Variants in LUZP2 observed in about 807,000 individuals in gnomAD.
LUZP2 encodes leucine zipper protein 2.
Under a neutral mutation model 51.6 loss-of-function variants are expected in LUZP2, and 52 were observed. That is an observed-to-expected ratio of 1.01 (90% CI 0.81 to 1.27). LUZP2 has a LOEUF of 1.27. LUZP2 is among the 50% of genes most tolerant of loss of function. The pLI is 0.00. For synonymous variants in LUZP2, 154 were observed against 137.3 expected (o/e 1.12, Z -0.85); for missense variants, 436 against 395.4 (o/e 1.10, Z -0.87).
chr11:24,864,198 T>C lies in LUZP2; in HGVS notation c.397-41793T>C, dbSNP rs1396892309. Among the ~76,000 whole-genome samples the C allele has an allele frequency of 4.6e-5, 7 of 152,192 alleles. 1 individual carries two copies. On this transcript the variant is annotated intron_variant, in intron 5 of 11. Coordinates refer to ENST00000336930, the MANE Select transcript of LUZP2 (RefSeq NM_001009909.4). Reference sequence around the variant, plus strand: ...TGTACTTATGTGTTGGTTATTACACTAAGCCTGATACACACATGTTTGAAG... The same window carrying C: ...TGTACTTATGTGTTGGTTATTACACCAAGCCTGATACACACATGTTTGAAG...
chr11:24,954,693 G>A (rs1201353124), intron 7 of LUZP2, among the ~76,000 whole-genome samples: 1 of 152,004 alleles, frequency 6.6e-6, no homozygotes, highest in Non-Finnish European at 1.5e-5. Flanking sequence ...AAACTAACAG[G>A]ACCCTGCTCC....
chr11:24,783,154 C>T (rs1849140286), intron 5 of LUZP2, among the ~76,000 whole-genome samples: 1 of 151,998 alleles, frequency 6.6e-6, no homozygotes, highest in African/African-American at 2.4e-5. Context: ...AGCACATGTC[C>T]ATTGTCTAAG....
At chr11:24,772,370 C>T (rs2134054318) in intron 5 of LUZP2, among the ~76,000 whole-genome samples, 1 of 152,304 alleles carries the variant, frequency 6.6e-6, no homozygotes, top group South Asian at 2.1e-4. Flanking sequence ...TAGAGTGCTT[C>T]AGGGTCACTA....
chr11:24,976,695 T>A, intron 8 of LUZP2, 30 bp downstream of exon 8: 1 of 603,070 alleles, frequency 1.7e-6, no homozygotes, highest in Non-Finnish European at 2.5e-6. Context: ...CCATTACAAC[T>A]GTAGTTTTAG....
chr11:24,566,145 A>T (rs1221153215), intron 1 of LUZP2, among the ~76,000 whole-genome samples: 6 of 151,894 alleles, frequency 4.0e-5, no homozygotes, highest in African/African-American at 1.4e-4. Flanking sequence ...CAAGGGGCCT[A>T]AATATTGTGC....
At chr11:24,794,750 A>G (rs778974724) in intron 5 of LUZP2, among the ~76,000 whole-genome samples, 29 of 152,114 alleles carry the variant, frequency 1.9e-4, no homozygotes, top group Non-Finnish European at 3.4e-4. Context: ...TTATTCTCTC[A>G]TAAGTTTCTT....
Position 24,982,946 on chromosome 11 carries a change from G to A in LUZP2, c.598-180G>A, listed in dbSNP as rs576575901. Among the ~76,000 whole-genome samples, 24 of 151,812 alleles carry A rather than the reference G, an allele frequency of 1.6e-4. 1 individual carries two copies. In the South Asian group the frequency reaches 4.4e-3, roughly 28 times the overall value. ...ATATCATGAAATGCATTAGCTCCTAGAAACAGACTGAGTGTGGATATAAAA... is the reference window on the plus strand; with the variant it reads ...ATATCATGAAATGCATTAGCTCCTAAAAACAGACTGAGTGTGGATATAAAA... On this transcript the variant is annotated intron_variant, in intron 8 of 11. Coordinates refer to ENST00000336930, the MANE Select transcript of LUZP2 (RefSeq NM_001009909.4).
chr11:24,832,686 T>TA (rs1180636616), intron 5 of LUZP2, among the ~76,000 whole-genome samples: 3 of 151,722 alleles, frequency 2.0e-5, no homozygotes, highest in Admixed American at 6.6e-5. Flanking sequence ...TAGTTAGAAA[T>TA]AAAAAAATTA....
At chr11:24,610,819 C>T in intron 1 of LUZP2, among the ~76,000 whole-genome samples, 1 of 152,128 alleles carries the variant, frequency 6.6e-6, no homozygotes, top group Non-Finnish European at 1.5e-5. Flanking sequence ...GGGGCACGTG[C>T]CTGTAGTCCC....
chr11:24,901,009 TG>T (rs1853263019), intron 5 of LUZP2, among the ~76,000 whole-genome samples: 1 of 152,118 alleles, frequency 6.6e-6, no homozygotes, highest in Non-Finnish European at 1.5e-5. Context: ...AAAACTTCTG[TG>T]GTCTGCTTGG....
At chr11:24,915,757 G>C (rs1447368737) in intron 7 of LUZP2, among the ~76,000 whole-genome samples, 6 of 151,880 alleles carry the variant, frequency 4.0e-5, no homozygotes, top group Admixed American at 3.9e-4. Context: ...AAACTCAACT[G>C]TTAGGTTAGT....
At chr11:24,569,187 G>T (rs1852344066) in intron 1 of LUZP2, among the ~76,000 whole-genome samples, 1 of 151,976 alleles carries the variant, frequency 6.6e-6, no homozygotes, top group African/African-American at 2.4e-5. Flanking sequence ...AAGGTTAAAT[G>T]CAAAAAGGAA....
intron 5 of LUZP2, among the ~76,000 whole-genome samples, chr11:24,807,185 G>A (rs1849880015): frequency 6.6e-6 from 1 of 152,176 alleles, no homozygotes; most frequent in African/African-American, 2.4e-5. Context: ...GCCGGGTGCA[G>A]TAGCTCACGC....
At chr11:24,688,011 G>C (rs549108506) in intron 1 of LUZP2, among the ~76,000 whole-genome samples, 3 of 151,834 alleles carry the variant, frequency 2.0e-5, no homozygotes, top group African/African-American at 7.3e-5. Context: ...CTGGCTCTCT[G>C]TCTCTCTTTC....
At chr11:25,077,663 A>T (rs965636244) in intron 11 of LUZP2, among the ~76,000 whole-genome samples, 4 of 150,212 alleles carry the variant, frequency 2.7e-5, no homozygotes, top group African/African-American at 9.8e-5. Context: ...CCACGCCCAA[A>T]TTTTTTGTAT....
intron 1 of LUZP2, among the ~76,000 whole-genome samples, chr11:24,607,052 T>C (rs1014916069): frequency 3.3e-5 from 5 of 152,056 alleles, no homozygotes; most frequent in African/African-American, 1.2e-4. Flanking sequence ...GTTAATCTCT[T>C]ATCAGTTAAA....
chr11:24,622,760 A>T (rs1319428264), intron 1 of LUZP2, among the ~76,000 whole-genome samples: 2 of 152,172 alleles, frequency 1.3e-5, no homozygotes, highest in South Asian at 2.1e-4. Flanking sequence ...GATTATTTTG[A>T]AGACGGAGTT....
chr11:24,680,940 A>G (rs1184668957), intron 1 of LUZP2, among the ~76,000 whole-genome samples: 1 of 151,580 alleles, frequency 6.6e-6, no homozygotes, highest in East Asian at 2.0e-4. Context: ...GCTGAACTTG[A>G]ACACTCTTTA....
At chr11:24,604,383 C>T (rs1853841699) in intron 1 of LUZP2, among the ~76,000 whole-genome samples, 1 of 151,784 alleles carries the variant, frequency 6.6e-6, no homozygotes, top group Non-Finnish European at 1.5e-5. Flanking sequence ...TTAAGCAATG[C>T]AGAGTCATTC....
Sources: gnomAD v4.1 joint callset for allele counts (sites outside exome capture counted in the v4.1 genomes callset) on GRCh38, gnomAD v4.1.1 for gene constraint, MANE v1.5 for transcripts, NCBI Gene and HGNC (gene_info 2026-07-23, HGNC 2026-07-21) for gene names.